The following NKAIN2 variants were observed in gnomAD, a reference collection of about 807,000 sequenced individuals.
NKAIN2 encodes the protein sodium/potassium transporting ATPase interacting 2.
A neutral mutation model predicts 32.6 loss-of-function variants in NKAIN2; 14 were observed. That is an observed-to-expected ratio of 0.43 (90% CI 0.28 to 0.67). NKAIN2 has a LOEUF of 0.67. Among genes scored for constraint, NKAIN2 ranks in the 30% least tolerant of loss-of-function variants. The probability of loss-of-function intolerance (pLI) is 0.17; values close to 1 mark genes in which losing one functional copy is unlikely to be tolerated. For synonymous variants in NKAIN2, 80 were observed against 87.2 expected, an observed-to-expected ratio of 0.92 and a Z score of 0.46; for missense variants, 198 against 258.3, an observed-to-expected ratio of 0.77 and a Z score of 1.60.
intron 5 of NKAIN2, among the ~76,000 whole-genome samples, chr6:124,793,346 A>G (rs1779831871): frequency 6.6e-6 from 1 of 152,142 alleles, no homozygotes; most frequent in Admixed American, 6.5e-5. Flanking sequence ...TTATACAGAA[A>G]AGATTTATTC....
intron 1 of NKAIN2, among the ~76,000 whole-genome samples, chr6:123,990,941 A>G (rs755802732): frequency 4.6e-5 from 7 of 152,234 alleles, no homozygotes; most frequent in Non-Finnish European, 8.8e-5. Context: ...TCAATGAAAT[A>G]ATTAGCCAAT....
chr6:123,888,083 TA>T (rs1562240607), intron 1 of NKAIN2, among the ~76,000 whole-genome samples: 3 of 151,810 alleles, frequency 2.0e-5, no homozygotes, highest in Non-Finnish European at 4.4e-5. Flanking sequence ...TAAATATAAA[TA>T]TCTAGAGTAA....
chr6:124,311,561 A>G (rs1796718683), intron 2 of NKAIN2, among the ~76,000 whole-genome samples: 1 of 152,308 alleles, frequency 6.6e-6, no homozygotes, highest in East Asian at 1.9e-4. Flanking sequence ...GTTTCTAAAG[A>G]TTACATCTAC....
In NKAIN2 at chr6:124,475,666, T is replaced by A. The variant is rs571343079; in HGVS notation, c.273+120319T>A. Among the ~76,000 whole-genome samples the A allele has an allele frequency of 2.9e-4, 44 of 152,284 alleles. 1 individual carries two copies. The South Asian group carries it at 8.5e-3, about 29-fold the overall frequency. On this transcript the variant is annotated intron_variant, in intron 3 of 6. Coordinates refer to ENST00000368417, the MANE Select transcript of NKAIN2 (RefSeq NM_001040214.3). ...CTAGACCGAAGGTAGTTTTCCTTTC[T>A]CTGCATATTAATAATGACAGGTGGT...
Position 124,266,439 on chromosome 6 carries a change from G to A in NKAIN2, c.55-16566G>A, listed in dbSNP as rs565204503. 3.6e-3 allele frequency among the ~76,000 whole-genome samples: 546 copies of A among 152,012 alleles called. 5 individuals are homozygous for A. The highest frequency in any genetic ancestry group is 4.0e-3 in the Non-Finnish European group (271 of 67,978). The stretch of plus-strand genomic sequence containing the variant: ...ACTACAGGCACACACCACCACACCC[G>A]GCTAATTTTTTGCATTTTTGGTAGA... On this transcript the variant is annotated intron_variant, in intron 1 of 6. Coordinates refer to ENST00000368417, the MANE Select transcript of NKAIN2 (RefSeq NM_001040214.3).
intron 1 of NKAIN2, among the ~76,000 whole-genome samples, chr6:124,175,740 T>C (rs181663638): frequency 1.7e-4 from 26 of 152,202 alleles, no homozygotes; most frequent in African/African-American, 5.8e-4. Context: ...TCAATTCAGA[T>C]TTTTTTTAAA....
chr6:124,415,207 A>C (rs1774408241), intron 3 of NKAIN2, among the ~76,000 whole-genome samples: 1 of 152,208 alleles, frequency 6.6e-6, no homozygotes, highest in Non-Finnish European at 1.5e-5. Flanking sequence ...CCCTCAATTC[A>C]GATGCTAATA....
At chr6:123,811,074 G>A (rs1054400700) in intron 1 of NKAIN2, among the ~76,000 whole-genome samples, 1 of 152,108 alleles carries the variant, frequency 6.6e-6, no homozygotes, top group African/African-American at 2.4e-5. Context: ...TAGAATATGT[G>A]TCTTCACCTA....
chr6:124,245,428 G>GTT (rs1269690682), intron 1 of NKAIN2, among the ~76,000 whole-genome samples: 4 of 151,976 alleles, frequency 2.6e-5, no homozygotes, highest in East Asian at 1.9e-4. Context: ...CCACAGGAGT[G>GTT]TTATATATAT....
At chr6:124,364,197 A>G (rs1052081118) in intron 3 of NKAIN2, among the ~76,000 whole-genome samples, 1 of 150,702 alleles carries the variant, frequency 6.6e-6, no homozygotes, top group African/African-American at 2.4e-5. Context: ...TAATTGATTA[A>G]CATTCTCCAA....
chr6:123,912,898 C>T (rs1775293769), intron 1 of NKAIN2, among the ~76,000 whole-genome samples: 3 of 132,808 alleles, frequency 2.3e-5, no homozygotes, highest in South Asian at 2.6e-4. Flanking sequence ...TTAAAGAATC[C>T]ATTAAATATT....
At chr6:124,333,957 A>G (rs1797766724) in intron 2 of NKAIN2, among the ~76,000 whole-genome samples, 1 of 152,206 alleles carries the variant, frequency 6.6e-6, no homozygotes, top group African/African-American at 2.4e-5. Context: ...TAAAGCAAGT[A>G]CTTTTAACAG....
chr6:124,644,628 TCTC>T (rs574418621), intron 3 of NKAIN2, among the ~76,000 whole-genome samples: 3 of 152,180 alleles, frequency 2.0e-5, no homozygotes, highest in South Asian at 4.1e-4. Flanking sequence ...ATGGTCTTGA[TCTC>T]CTGACCTTGT....
rs539115809 is a variant in NKAIN2, at chr6:124,436,248, A to G, written c.273+80901A>G. Among the ~76,000 whole-genome samples, 3 of 152,232 alleles carry G rather than the reference A, an allele frequency of 2.0e-5. No individual in the cohort carries two copies. The South Asian group carries it at 6.2e-4, about 32-fold the overall frequency. On this transcript the variant is annotated intron_variant, in intron 3 of 6. Transcript: ENST00000368417. ...TATTCATTAAAACTAGCTAAAAAAG[A>G]CCCTCTGTAGTATCAATTGTTTCTT...
intron 3 of NKAIN2, among the ~76,000 whole-genome samples, chr6:124,375,675 C>T (rs1043854763): frequency 7.9e-5 from 12 of 151,796 alleles, no homozygotes; most frequent in Non-Finnish European, 1.8e-4. Context: ...AGAAAAGGTG[C>T]TCCCCATTCA....
At chr6:124,276,443 T>C (rs1795035461) in intron 1 of NKAIN2, among the ~76,000 whole-genome samples, 1 of 152,120 alleles carries the variant, frequency 6.6e-6, no homozygotes, top group South Asian at 2.1e-4. Flanking sequence ...TTATCTTTGC[T>C]CCTATTTTAC....
At chr6:123,986,521 T>G (rs1327410551) in intron 1 of NKAIN2, among the ~76,000 whole-genome samples, 2 of 152,094 alleles carry the variant, frequency 1.3e-5, no homozygotes, top group African/African-American at 4.8e-5. Flanking sequence ...ATCTTTGCAA[T>G]TCCTTCCAAA....
At chr6:124,542,379 G>A (rs1779943780) in intron 3 of NKAIN2, among the ~76,000 whole-genome samples, 1 of 152,092 alleles carries the variant, frequency 6.6e-6, no homozygotes, top group African/African-American at 2.4e-5. Context: ...TAGTTTTAAT[G>A]TAAATTATTT....
intron 4 of NKAIN2, among the ~76,000 whole-genome samples, chr6:124,693,342 C>A (rs1774350721): frequency 6.6e-6 from 1 of 152,132 alleles, no homozygotes; most frequent in Non-Finnish European, 1.5e-5. Context: ...TAGGCTATAC[C>A]ACATAGCTTA....
Sources: allele counts gnomAD v4.1 joint callset (sites outside exome capture counted in the v4.1 genomes callset), GRCh38; gene constraint gnomAD v4.1.1; transcripts MANE v1.5; gene names NCBI Gene and HGNC (gene_info 2026-07-23, HGNC 2026-07-21).